VDAC1: variants seen among roughly 807,000 people sequenced by gnomAD.
The protein encoded by VDAC1 is voltage dependent anion channel 1.
In VDAC1, 10 loss-of-function variants were observed where a neutral mutation model predicts 34.7. The observed-to-expected ratio is 0.29, with a 90% CI of 0.18 to 0.49. The LOEUF (loss-of-function observed/expected upper bound fraction) is 0.49, where lower values mean the gene tolerates loss of function less well. VDAC1 is among the 20% of genes least tolerant of loss of function. The probability of loss-of-function intolerance (pLI) is 0.99; values close to 1 mark genes in which losing one functional copy is unlikely to be tolerated. For synonymous variants in VDAC1, 130 were observed against 136.0 expected, an observed-to-expected ratio of 0.96 and a Z score of 0.30; for missense variants, 230 against 347.9, an observed-to-expected ratio of 0.66 and a Z score of 2.69.
At chr5:134,002,965 C>CAAA (rs35606324) in intron 1 of VDAC1, among the ~76,000 whole-genome samples, 38 of 146,168 alleles carry the variant, frequency 2.6e-4, no homozygotes, top group African/African-American at 4.3e-4. Context: ...GACCCTGTCT[C>CAAA]AAAAAAAAAA....
chr5:134,100,749 A>G, the VDAC1 span, among the ~76,000 whole-genome samples: 1 of 152,248 alleles, frequency 6.6e-6, no homozygotes, highest in South Asian at 2.1e-4. Context: ...CCAGCACTCT[A>G]GAACCCTCCA....
chr5:134,009,671 T>C (rs1324274990), upstream of VDAC1, among the ~76,000 whole-genome samples: 13 of 151,956 alleles, frequency 8.6e-5, no homozygotes, highest in Admixed American at 8.5e-4. Context: ...TATTCTTTTG[T>C]TTGTTTGTTT....
intron 1 of VDAC1, among the ~76,000 whole-genome samples, chr5:133,998,332 A>C (rs928153846): frequency 6.6e-6 from 1 of 152,092 alleles, no homozygotes; most frequent in African/African-American, 2.4e-5. Context: ...TCATTATTTA[A>C]GCTGTTTGTG....
intron 1 of VDAC1, among the ~76,000 whole-genome samples, chr5:134,001,457 C>T (rs796475715): frequency 2.0e-4 from 31 of 152,218 alleles, no homozygotes; most frequent in African/African-American, 7.2e-4. Flanking sequence ...TGGCTCACAC[C>T]TGCAATCCCC....
chr5:133,985,859 G>T (rs1752888197), intron 5 of VDAC1, among the ~76,000 whole-genome samples: 1 of 152,198 alleles, frequency 6.6e-6, no homozygotes, highest in Admixed American at 6.5e-5. Context: ...ATAAAAAGCT[G>T]CTGATGATCA....
At chr5:134,030,553 T>A in the VDAC1 span, among the ~76,000 whole-genome samples, 1 of 151,860 alleles carries the variant, frequency 6.6e-6, no homozygotes, top group Admixed American at 6.6e-5. Context: ...ACCAGCAGGT[T>A]TCAGTAAGGG....
At chr5:134,085,613 C>T in the VDAC1 span, among the ~76,000 whole-genome samples, 2 of 149,844 alleles carry the variant, frequency 1.3e-5, no homozygotes, top group African/African-American at 2.5e-5. Context: ...CAGGGCCAGG[C>T]GCAGTGGCTC....
At chr5:133,982,378 G>C (rs889947626) in intron 5 of VDAC1, among the ~76,000 whole-genome samples, 1 of 151,854 alleles carries the variant, frequency 6.6e-6, no homozygotes, top group Non-Finnish European at 1.5e-5. Context: ...TGGGCGCGGT[G>C]GTGGGCGTGT....
At chr5:133,993,317 T>C (rs913650515) in intron 1 of VDAC1, among the ~76,000 whole-genome samples, 3 of 152,170 alleles carry the variant, frequency 2.0e-5, no homozygotes, top group Non-Finnish European at 4.4e-5. Context: ...TCAGGAAATA[T>C]TTGCTTAATG....
chr5:134,068,966 C>CTGTGTGTGTGTGTGTG, the VDAC1 span, among the ~76,000 whole-genome samples: 71 of 136,692 alleles, frequency 5.2e-4, no homozygotes, highest in Non-Finnish European at 6.1e-4. Context: ...TGGGAGGTGA[C>CTGTGTGTGTGTGTGTG]TGTGTGTGTG....
the VDAC1 span, among the ~76,000 whole-genome samples, chr5:134,069,473 C>G: frequency 1.3e-5 from 2 of 152,144 alleles, no homozygotes; most frequent in Non-Finnish European, 2.9e-5. Flanking sequence ...CCATAGCCAG[C>G]TGATCACCAC....
the VDAC1 span, among the ~76,000 whole-genome samples, chr5:134,075,163 A>G: frequency 1.3e-5 from 2 of 152,164 alleles, no homozygotes; most frequent in South Asian, 2.1e-4. Context: ...TTACACTCCT[A>G]TGCACATGCT....
Position 133,976,947 on chromosome 5 carries a change from G to A in VDAC1, c.552-926C>T, listed in dbSNP as rs552525677. ...TAATCCCAGCAACCTGGGGGGGTGA[G>A]GCAGGAGAATCGTCTGAACCCAGGA... is the stretch of plus-strand genomic sequence containing the variant. On this transcript the variant is annotated intron_variant, in intron 6 of 8. Transcript: ENST00000265333. 4.6e-5 allele frequency among the ~76,000 whole-genome samples: 7 copies of A among 152,294 alleles called. No individual in the cohort carries two copies. In the South Asian group the frequency reaches 1.5e-3, roughly 32 times the overall value.
At chr5:134,062,149 G>A in the VDAC1 span, among the ~76,000 whole-genome samples, 5 of 151,334 alleles carry the variant, frequency 3.3e-5, no homozygotes, top group Non-Finnish European at 7.4e-5. Flanking sequence ...ACCATGCCCG[G>A]CTAATTTTGG....
chr5:134,052,958 A>C, the VDAC1 span, among the ~76,000 whole-genome samples: 1 of 152,150 alleles, frequency 6.6e-6, no homozygotes, highest in Non-Finnish European at 1.5e-5. Context: ...TCTACTAAAA[A>C]TACAAAATCA....
the VDAC1 span, among the ~76,000 whole-genome samples, chr5:134,100,456 C>T: frequency 2.6e-5 from 4 of 152,224 alleles, no homozygotes; most frequent in Middle Eastern, 3.2e-3. Flanking sequence ...CCCACAACCG[C>T]GGCACCCCGT....
chr5:134,024,585 T>C, the VDAC1 span, among the ~76,000 whole-genome samples: 1 of 138,518 alleles, frequency 7.2e-6, no homozygotes, highest in African/African-American at 2.7e-5. Context: ...ACTTCTCTCA[T>C]CAAGAGATAG....
At chr5:134,071,381 AC>A in the VDAC1 span, among the ~76,000 whole-genome samples, 2 of 151,948 alleles carry the variant, frequency 1.3e-5, no homozygotes, top group Non-Finnish European at 2.9e-5. The surrounding 1 kb of genome is among the most constrained non-coding windows in gnomAD (Gnocchi z 4.1). Context: ...CTTCCCCCCA[AC>A]CCTGGGCCCA....
the VDAC1 span, among the ~76,000 whole-genome samples, chr5:134,028,786 A>G: frequency 6.6e-6 from 1 of 152,210 alleles, no homozygotes; most frequent in Non-Finnish European, 1.5e-5. Flanking sequence ...CCAAGTACAG[A>G]TTCCTAGGCC....
Sources: allele counts gnomAD v4.1 joint callset (sites outside exome capture counted in the v4.1 genomes callset), GRCh38; gene constraint gnomAD v4.1.1; non-coding constraint Gnocchi (gnomAD v3.1); transcripts MANE v1.5; gene names NCBI Gene and HGNC (gene_info 2026-07-23, HGNC 2026-07-21).